The following CERT1 variants were observed in gnomAD, a reference collection of about 807,000 sequenced individuals.
The protein encoded by CERT1 is ceramide transfer protein.
In CERT1, 31 loss-of-function variants were observed where a neutral mutation model predicts 87.9. That is an observed-to-expected ratio of 0.35 (90% CI 0.27 to 0.48). The LOEUF (loss-of-function observed/expected upper bound fraction) is 0.48, where lower values mean the gene tolerates loss of function less well. CERT1 is among the 20% of genes least tolerant of loss of function. The pLI, the probability that CERT1 is intolerant of heterozygous loss-of-function variation, is 0.99. For synonymous variants in CERT1, 289 were observed against 250.9 expected, an observed-to-expected ratio of 1.15 and a Z score of -1.44; for missense variants, 487 against 758.0, an observed-to-expected ratio of 0.64 and a Z score of 4.20.
At chr5:75,454,567 C>T (rs191328569) in intron 3 of CERT1, among the ~76,000 whole-genome samples, 190 of 152,258 alleles carry the variant, frequency 1.2e-3, no homozygotes, top group African/African-American at 4.0e-3. Flanking sequence ...GAACTGCTAA[C>T]GAACATACAG....
chr5:75,385,363 C>G (rs1372255464), intron 13 of CERT1, among the ~76,000 whole-genome samples: 1 of 152,146 alleles, frequency 6.6e-6, no homozygotes, highest in Non-Finnish European at 1.5e-5. Context: ...ATCCCAGTTA[C>G]TTGGGAGGCT....
intron 2 of CERT1, among the ~76,000 whole-genome samples, chr5:75,464,915 T>C (rs1330529384): frequency 6.6e-6 from 1 of 152,176 alleles, no homozygotes; most frequent in Non-Finnish European, 1.5e-5. Flanking sequence ...TCTCTTTCTC[T>C]GGCGCTGTAA....
intron 12 of CERT1, among the ~76,000 whole-genome samples, chr5:75,386,484 G>T (rs1761790946): frequency 6.6e-6 from 1 of 152,156 alleles, no homozygotes; most frequent in Non-Finnish European, 1.5e-5. Context: ...TAAATCAATG[G>T]CTGAAAGCTA....
chr5:75,494,709 T>C (rs764270140), intron 2 of CERT1, among the ~76,000 whole-genome samples: 1 of 152,006 alleles, frequency 6.6e-6, no homozygotes, highest in Admixed American at 6.6e-5. Context: ...CCCTAACTGA[T>C]AGTTTAGGAT....
In CERT1 at chr5:75,378,787, T is replaced by G. The variant is rs1761431265; in HGVS notation, c.*559A>C. ...AGGAAAGAATACAGGAAGTTTGCAC[T>G]TCTACAATTCTACAGTTCTATAATA... is the stretch of plus-strand genomic sequence containing the variant. On this transcript the variant is annotated 3_prime_UTR_variant, in exon 17 of 17. Coordinates refer to ENST00000643780, the MANE Select transcript of CERT1 (RefSeq NM_001379029.1). 6.6e-6 allele frequency: 1 copy of G among 152,234 alleles called. No individual in the cohort carries two copies. Among genetic ancestry groups the G allele is most frequent in the Non-Finnish European group, 1.5e-5 (1 of 68,052 alleles). 9.4% of individuals were successfully genotyped at this position (152,234 alleles called of 1,614,324 possible). A position where few individuals can be genotyped will look rare whatever the true frequency, so the allele number is the denominator to read the frequency against.
intron 17 of CERT1, chr5:75,372,594 T>C (rs1761123191): frequency 6.6e-6 from 1 of 152,228 alleles, no homozygotes; most frequent in Non-Finnish European, 1.5e-5. Context: ...GAAAAGATTA[T>C]GGAGCATGAA....
At chr5:75,486,162 C>T (rs563741582) in intron 2 of CERT1, among the ~76,000 whole-genome samples, 1 of 152,172 alleles carries the variant, frequency 6.6e-6, no homozygotes, top group East Asian at 1.9e-4. Context: ...ATCATGACCA[C>T]ATGGAATTTA....
At chr5:75,488,338 T>G (rs1375412310) in intron 2 of CERT1, among the ~76,000 whole-genome samples, 2 of 151,924 alleles carry the variant, frequency 1.3e-5, no homozygotes, top group African/African-American at 4.8e-5. Flanking sequence ...CTCATAATAT[T>G]TTTTTTAAAA....
At chr5:75,508,706 A>G (rs761784911) in intron 1 of CERT1, among the ~76,000 whole-genome samples, 1 of 152,232 alleles carries the variant, frequency 6.6e-6, no homozygotes, top group Non-Finnish European at 1.5e-5. Flanking sequence ...AATAAGAGTC[A>G]GAAGCAAGCT....
At chr5:75,478,345 AG>A (rs1404930209) in intron 2 of CERT1, among the ~76,000 whole-genome samples, 1 of 151,948 alleles carries the variant, frequency 6.6e-6, no homozygotes, top group African/African-American at 2.4e-5. Flanking sequence ...AAAAGAAAAG[AG>A]GAAAAAACAC....
intron 8 of CERT1, among the ~76,000 whole-genome samples, chr5:75,407,801 A>G (rs543603478): frequency 6.6e-6 from 1 of 150,658 alleles, no homozygotes; most frequent in South Asian, 2.1e-4. Flanking sequence ...GCCCATCAAG[A>G]GTTTTGCCTA....
At chr5:75,384,936 T>C (rs957729559) in intron 13 of CERT1, among the ~76,000 whole-genome samples, 2 of 152,174 alleles carry the variant, frequency 1.3e-5, no homozygotes, top group Non-Finnish European at 2.9e-5. Context: ...TTGGCCCAAT[T>C]ATCTATCTTC....
At chr5:75,375,868 A>G (rs1761283490), downstream of CERT1, 1 of 151,234 alleles carries the variant, frequency 6.6e-6, no homozygotes, top group Non-Finnish European at 1.5e-5. Context: ...AAAAAAAGTT[A>G]CGTTACAGTA....
chr5:75,455,542 T>C (rs1158916856), intron 3 of CERT1, among the ~76,000 whole-genome samples: 2 of 152,228 alleles, frequency 1.3e-5, no homozygotes, highest in African/African-American at 2.4e-5. Flanking sequence ...ACTAGTCTAA[T>C]ACATAGTAGT....
At chr5:75,447,978 A>G (rs891137420) in intron 3 of CERT1, among the ~76,000 whole-genome samples, 4 of 152,192 alleles carry the variant, frequency 2.6e-5, no homozygotes, top group African/African-American at 9.7e-5. Flanking sequence ...TATTACTTTA[A>G]AAAACCATGG....
chr5:75,384,970 C>A (rs897757602), intron 13 of CERT1, among the ~76,000 whole-genome samples: 13 of 152,316 alleles, frequency 8.5e-5, no homozygotes, highest in African/African-American at 4.8e-5. Context: ...CAATTCTAAT[C>A]ACCACTGCAT....
At chr5:75,386,072 A>G (rs752399427) in intron 12 of CERT1, 38 bp from the exon 13 acceptor site, 74 of 1,417,308 alleles carry the variant, frequency 5.2e-5, no homozygotes, top group Non-Finnish European at 6.9e-5. Flanking sequence ...TTGAAAATTA[A>G]AAATCAAGCC....
chr5:75,382,073 A>G lies in CERT1; in HGVS notation c.1493T>C (p.Val498Ala). 6.2e-7 allele frequency: 1 copy of G among 1,613,580 alleles called. No homozygotes were observed. Among genetic ancestry groups the G allele is most frequent in the East Asian group, 2.2e-5 (1 of 44,838 alleles). The change falls in exon 15 of 17, where the codon GTG (valine) becomes GCG (alanine). Residue 498 changes from valine (V) to alanine (A), a missense_variant. By Grantham distance (64) the Val-to-Ala change is moderately conservative. Around this residue, in one of 8 missense-constraint regions of CERT1, gnomAD observed 147 missense variants for 200.8 expected, o/e 0.73. Coordinates refer to ENST00000643780, the MANE Select transcript of CERT1 (RefSeq NM_001379029.1). Reference protein sequence around the residue: ...AIIIYQTHKRVWPASQRDVLY... With the variant: ...AIIIYQTHKRAWPASQRDVLY... ...TACGTCTCGCTGAGAAGCAGGCCAC[A>G]CCCTCTGTGGAGAAGTAAAAATCTT...
chr5:75,490,061 G>A (rs934558610), intron 2 of CERT1, among the ~76,000 whole-genome samples: 5 of 152,118 alleles, frequency 3.3e-5, no homozygotes, highest in Admixed American at 6.5e-5. Context: ...ATGGATGAAC[G>A]TGGAAACCAT....
Sources: gnomAD v4.1 joint callset for allele counts (sites outside exome capture counted in the v4.1 genomes callset) on GRCh38, gnomAD v4.1.1 for gene constraint, gnomAD v4.1.1 regional missense constraint, MANE v1.5 for transcripts, NCBI Gene and HGNC (gene_info 2026-07-23, HGNC 2026-07-21) for gene names.